Variants in WDR76 observed in about 807,000 individuals in gnomAD.
WDR76 encodes WD repeat domain 76, also known as WD repeat-containing protein 76.
Under a neutral mutation model 70.2 loss-of-function variants are expected in WDR76, and 52 were observed. The observed-to-expected ratio is 0.74, with a 90% CI of 0.59 to 0.93. WDR76 has a LOEUF of 0.93. Among genes scored for constraint, WDR76 ranks in the 40% least tolerant of loss-of-function variants. The pLI, the probability that WDR76 is intolerant of heterozygous loss-of-function variation, is 0.00. For missense variants in WDR76, 756 were observed against 760.2 expected, an observed-to-expected ratio of 0.99 and a Z score of 0.07; for synonymous variants, 292 against 271.1, an observed-to-expected ratio of 1.08 and a Z score of -0.76.
intron 12 of WDR76, among the ~76,000 whole-genome samples, chr15:43,863,553 C>T (rs1386566876): frequency 7.1e-6 from 1 of 141,594 alleles, no homozygotes. Flanking sequence ...TAACTACTCT[C>T]TTTTTTAAAA....
chr15:43,844,758 C>G (rs1029001891), intron 8 of WDR76, among the ~76,000 whole-genome samples: 1 of 144,832 alleles, frequency 6.9e-6, no homozygotes, highest in African/African-American at 2.6e-5. Context: ...AAAACCCCAT[C>G]GCTACTAAAA....
intron 8 of WDR76, among the ~76,000 whole-genome samples, chr15:43,844,926 TAAAAAAAAAA>T (rs1163275078): frequency 1.1e-3 from 17 of 15,538 alleles, no homozygotes; most frequent in African/African-American, 3.9e-3. Context: ...AGACTCTGTG[TAAAAAAAAAA>T]AAAAAAAAAA....
chr15:43,830,197 C>T (rs1035212936), intron 2 of WDR76, among the ~76,000 whole-genome samples: 8 of 151,848 alleles, frequency 5.3e-5, no homozygotes, highest in African/African-American at 1.5e-4. Flanking sequence ...TTCCTAGAGA[C>T]GCTGATGTTA....
intron 9 of WDR76, 101 bp downstream of exon 9, chr15:43,851,346 CAGA>C: frequency 4.7e-6 from 7 of 1,478,174 alleles, no homozygotes; most frequent in Non-Finnish European, 6.4e-6. Flanking sequence ...AGTGGTATAG[CAGA>C]AGGACTTTGA....
chr15:43,832,345 A>T (rs749884310), intron 2 of WDR76, among the ~76,000 whole-genome samples: 1 of 152,128 alleles, frequency 6.6e-6, no homozygotes. Context: ...AATCAAGCCA[A>T]TGCACTTCAG....
In WDR76 at chr15:43,836,122, G is replaced by A. The variant is rs192487239; in HGVS notation, c.553-39G>A. ...CTTAATATTTTAAAAGGTAAGATAC[G>A]TAGTTATAACATTTTTACATGATTT... On this transcript the variant is annotated intron_variant, in intron 3 of 12. Coordinates refer to ENST00000263795, the MANE Select transcript of WDR76 (RefSeq NM_024908.4). 94 of 1,573,850 alleles carry A rather than the reference G, an allele frequency of 6.0e-5. No individual in the cohort carries two copies. In the Middle Eastern group the frequency reaches 1.7e-3, roughly 29 times the overall value.
chr15:43,831,833 ATT>A (rs2087593471), intron 2 of WDR76, among the ~76,000 whole-genome samples: 1 of 151,120 alleles, frequency 6.6e-6, no homozygotes, highest in African/African-American at 2.4e-5. Context: ...TATCAGAGAA[ATT>A]TTTTTGTTTT....
intron 9 of WDR76, among the ~76,000 whole-genome samples, chr15:43,856,108 A>G (rs981580684): frequency 1.3e-5 from 2 of 152,234 alleles, no homozygotes; most frequent in Non-Finnish European, 2.9e-5. Flanking sequence ...AGTTAATACT[A>G]TAAAACTACC....
intron 7 of WDR76, among the ~76,000 whole-genome samples, chr15:43,843,056 C>G (rs956355770): frequency 5.0e-5 from 7 of 141,280 alleles, no homozygotes; most frequent in Admixed American, 3.0e-4. Flanking sequence ...CAAGGTCTCC[C>G]TCTATCGCTT....
chr15:43,841,245 C>T (rs2087722025), intron 5 of WDR76, among the ~76,000 whole-genome samples: 2 of 148,736 alleles, frequency 1.3e-5, no homozygotes, highest in Non-Finnish European at 3.0e-5. Context: ...ATCTGTTGCC[C>T]AGGCTGGAGT....
intron 5 of WDR76, among the ~76,000 whole-genome samples, chr15:43,840,110 C>T (rs1022563847): frequency 2.0e-5 from 3 of 152,092 alleles, no homozygotes; most frequent in Non-Finnish European, 4.4e-5. Context: ...CTGCCTGCCT[C>T]GGCCTCCCAA....
At chr15:43,844,904 GGCGACAGA>G (rs2087769002) in intron 8 of WDR76, among the ~76,000 whole-genome samples, 1 of 106,886 alleles carries the variant, frequency 9.4e-6, no homozygotes, top group Non-Finnish European at 2.0e-5. Flanking sequence ...CTCCAGCCTG[GGCGACAGA>G]GCGAGACTCT....
intron 9 of WDR76, among the ~76,000 whole-genome samples, chr15:43,854,044 GCCAGTAATA>G (rs1188701841): frequency 5.8e-4 from 88 of 152,248 alleles, no homozygotes; most frequent in Non-Finnish European, 1.0e-3. Flanking sequence ...AACGATACTT[GCCAGTAATA>G]AGTGTTGACA....
chr15:43,866,243 C>G lies in WDR76; in HGVS notation c.1732C>G (p.His578Asp). 1.2e-6 allele frequency: 2 copies of G among 1,614,170 alleles called. No individual in the cohort carries two copies. The highest frequency in any genetic ancestry group is 3.3e-4 in the Middle Eastern group (2 of 6,060). Reference protein sequence around the residue: ...MAHPRRVEIFHETGKRVHSFG... With the variant: ...MAHPRRVEIFDETGKRVHSFG... ...CCATCCACGACGGGTAGAAATCTTC[C>G]ATGAGACAGGAAAGAGGGTGCATTC... The change falls in exon 13 of 13, where the codon CAT becomes GAT. Residue 578 changes from histidine (H) to aspartate (D), a missense_variant. His to Asp is a moderately conservative substitution (Grantham distance 81). Transcript: ENST00000263795.
At chr15:43,851,390 T>A (rs938202261) in intron 9 of WDR76, 145 bp downstream of exon 9, 37 of 1,151,058 alleles carry the variant, frequency 3.2e-5, no homozygotes, top group Non-Finnish European at 4.3e-5. Flanking sequence ...AAATCCCAGA[T>A]CATCTGTTAC....
chr15:43,842,424 C>T lies in WDR76; in HGVS notation c.742C>T (p.Pro248Ser). Residue 248 changes from proline to serine, a missense_variant, in exon 6 of 13, where the codon CCT becomes TCT. Transcript: ENST00000263795. ...TTATTTTTTATAACAGCCTTTGTTA[C>T]CTCCTGGGCCTTTAGAAATGACTTC... is the stretch of plus-strand genomic sequence containing the variant. ...TLVADETPLL[P>S]PGPLEMTSEN... is the part of the protein sequence containing the mutation. 6.2e-7 allele frequency: 1 copy of T among 1,612,674 alleles called. No homozygotes were observed. The highest frequency in any genetic ancestry group is 8.5e-7 in the Non-Finnish European group (1 of 1,179,568).
rs1463490094 is a variant in WDR76 at position 43,827,047 on chromosome 15, C to T, written c.15C>T (p.Gly5=). 7 of 1,614,116 alleles carry T rather than the reference C, an allele frequency of 4.3e-6. No homozygotes were observed. Among genetic ancestry groups the T allele is most frequent in the African/African-American group, 2.7e-5 (2 of 75,054 alleles). Residue 5 remains glycine (G), a synonymous_variant, in exon 1 of 13, where the codon GGC becomes GGT. Transcript: ENST00000263795. MSRS[G]AAAEKADSRQ... Reference sequence around the variant, plus strand: ...GAAGCCGAAAGATGTCCAGGTCGGGCGCGGCGGCTGAGAAGGCGGACTCCA... The same window carrying T: ...GAAGCCGAAAGATGTCCAGGTCGGGTGCGGCGGCTGAGAAGGCGGACTCCA...
intron 8 of WDR76, 45 bp from the exon 9 acceptor site, chr15:43,851,042 T>C: frequency 6.2e-7 from 1 of 1,603,778 alleles, no homozygotes; most frequent in Non-Finnish European, 8.5e-7. Context: ...TCACTATTTT[T>C]CACTAGTTTT....
intron 2 of WDR76, among the ~76,000 whole-genome samples, chr15:43,831,456 TGA>T (rs2087587242): frequency 6.6e-6 from 1 of 151,768 alleles, no homozygotes; most frequent in Non-Finnish European, 1.5e-5. Context: ...TTTTTTTTTT[TGA>T]GACAGGGTCT....
Sources: gnomAD v4.1 joint callset for allele counts (sites outside exome capture counted in the v4.1 genomes callset) on GRCh38, gnomAD v4.1.1 for gene constraint, MANE v1.5 for transcripts, NCBI Gene and HGNC (gene_info 2026-07-23, HGNC 2026-07-21) for gene names.